LIMK2: variants seen among roughly 807,000 people sequenced by gnomAD.
The protein encoded by LIMK2 is LIM domain kinase 2.
LIMK2 carries 35 observed loss-of-function variants against 75.7 expected under a neutral mutation model. The observed-to-expected ratio is 0.46, with a 90% CI of 0.35 to 0.61. LIMK2 has a LOEUF of 0.61. Ranked by LOEUF, LIMK2 falls within the 20% of genes least tolerant of loss-of-function variation. LIMK2 has a pLI of 0.00. For synonymous variants in LIMK2, 301 were observed against 319.2 expected (o/e 0.94, Z 0.61); for missense variants, 623 against 831.0 (o/e 0.75, Z 3.08).
rs750152301 is a variant in LIMK2 at position 31,258,355 on chromosome 22, C to G, written c.181C>G (p.Pro61Ala). 6.2e-7 allele frequency: 1 copy of G among 1,613,980 alleles called. No individual in the cohort carries two copies. Among genetic ancestry groups the G allele is most frequent in the South Asian group, 1.1e-5 (1 of 91,064 alleles). ...YYEKDGKLYC[P>A]KDYWGKFGEF... Reference sequence around the variant, plus strand: ...TGAGAAGGATGGGAAGCTCTACTGCCCCAAGGACTACTGGGGGAAGTTTGG... The same window carrying G: ...TGAGAAGGATGGGAAGCTCTACTGCGCCAAGGACTACTGGGGGAAGTTTGG... Residue 61 changes from proline (P) to alanine (A), a missense_variant, in exon 3 of 16, where the codon CCC becomes GCC. Around this residue, in one of 3 missense-constraint regions of LIMK2, gnomAD observed 514 missense variants for 661.3 expected, o/e 0.78. Coordinates refer to ENST00000331728, the MANE Select transcript of LIMK2 (RefSeq NM_005569.4).
chr22:31,272,053 T>TTTTTGTTTTG (rs71202052), intron 12 of LIMK2, among the ~76,000 whole-genome samples: 1 of 151,690 alleles, frequency 6.6e-6, no homozygotes, highest in Non-Finnish European at 1.5e-5. Context: ...TGTGTCTGTT[T>TTTTTGTTTTG]TTTTGTTTTG....
chr22:31,268,888 A>G (rs1418945082), intron 11 of LIMK2, among the ~76,000 whole-genome samples: 1 of 152,168 alleles, frequency 6.6e-6, no homozygotes, highest in Non-Finnish European at 1.5e-5. Flanking sequence ...GACTTTAGCC[A>G]CTGCCCTTCA....
At chr22:31,264,438 A>G (rs1391951794) in intron 7 of LIMK2, among the ~76,000 whole-genome samples, 1 of 152,274 alleles carries the variant, frequency 6.6e-6, no homozygotes, top group Non-Finnish European at 1.5e-5. Context: ...GTTCACCTGC[A>G]GTGCTGTGGA....
intron 2 of LIMK2, among the ~76,000 whole-genome samples, chr22:31,229,422 G>C (rs890385277): frequency 1.3e-5 from 2 of 152,176 alleles, no homozygotes; most frequent in African/African-American, 2.4e-5. Flanking sequence ...GATAACCTGG[G>C]TTTTGAGGAA....
At chr22:31,251,916 T>C (rs149910328) in intron 2 of LIMK2, among the ~76,000 whole-genome samples, 1 of 152,218 alleles carries the variant, frequency 6.6e-6, no homozygotes, top group Non-Finnish European at 1.5e-5. Flanking sequence ...TTCAGCCCAC[T>C]CAATTCAGAG....
chr22:31,229,715 C>T (rs2048510051), intron 2 of LIMK2, among the ~76,000 whole-genome samples: 1 of 152,150 alleles, frequency 6.6e-6, no homozygotes, highest in African/African-American at 2.4e-5. Context: ...GGAGAAATTG[C>T]TGGGGTCCAT....
chr22:31,250,279 A>C (rs950003711), intron 2 of LIMK2, among the ~76,000 whole-genome samples: 4 of 152,186 alleles, frequency 2.6e-5, no homozygotes, highest in Admixed American at 6.5e-5. Context: ...AATCCTGGGA[A>C]GGCAGCTTAG....
chr22:31,277,259 C>A (rs879689714), intron 15 of LIMK2: 12 of 1,534,610 alleles, frequency 7.8e-6, no homozygotes, highest in Non-Finnish European at 1.1e-5. Flanking sequence ...CAGGGCTCCT[C>A]GTGCCCCTGG....
In LIMK2 at chr22:31,260,154, A is replaced by G. The variant is rs1046463429; in HGVS notation, c.551+77A>G. The stretch of plus-strand genomic sequence containing the variant: ...TGGGCCTCAGAGGGCTTAGACCTCC[A>G]AAGTCTCATGCAGAACTCCCTTTAT... On this transcript the variant is annotated intron_variant, in intron 5 of 15. Coordinates refer to ENST00000331728, the MANE Select transcript of LIMK2 (RefSeq NM_005569.4). The G allele has an allele frequency of 1.6e-5, 19 of 1,214,868 alleles. No homozygotes were observed. The African/African-American group carries it at 2.9e-4, about 19-fold the overall frequency. The allele number at this position is 1,214,868 out of a possible 1,614,324, so 75.3% of individuals were successfully genotyped here.
intron 1 of LIMK2, among the ~76,000 whole-genome samples, chr22:31,215,632 C>T (rs896945152): frequency 1.3e-5 from 2 of 152,016 alleles, no homozygotes; most frequent in African/African-American, 2.4e-5. Context: ...CATGGTAAGC[C>T]CTTAATAAGT....
chr22:31,272,433 C>T, intron 12 of LIMK2, 97 bp from the exon 13 acceptor site: 1 of 1,160,334 alleles, frequency 8.6e-7, no homozygotes, highest in African/African-American at 1.5e-5. Context: ...TACACCTTTT[C>T]TCCCCTTCTC....
rs750150883 is a variant in LIMK2 at position 31,278,448 on chromosome 22, C to G, written c.*7C>G. The G allele has an allele frequency of 6.3e-7, 1 of 1,599,112 alleles. No homozygotes were observed. The highest frequency in any genetic ancestry group is 2.2e-5 in the East Asian group (1 of 44,470). On this transcript the variant is annotated 3_prime_UTR_variant, in exon 16 of 16. Transcript: ENST00000331728. ...CCGGGACTCACCTCCCTAGCCCTGG[C>G]CCAGCCCCCTGCAGGGGGGTGTTCT...
At chr22:31,243,857 G>A (rs951945706) in intron 2 of LIMK2, among the ~76,000 whole-genome samples, 16 of 152,234 alleles carry the variant, frequency 1.1e-4, no homozygotes, top group Middle Eastern at 6.8e-3. Context: ...GGGTGGCTTG[G>A]GCCCTTTGAA....
At chr22:31,247,082 C>T (rs2123811135) in intron 2 of LIMK2, among the ~76,000 whole-genome samples, 1 of 152,322 alleles carries the variant, frequency 6.6e-6, no homozygotes, top group South Asian at 2.1e-4. Context: ...CCATCTTTAT[C>T]AGACTTTCCT....
intron 2 of LIMK2, among the ~76,000 whole-genome samples, chr22:31,229,451 A>G (rs569080731): frequency 6.6e-6 from 1 of 152,182 alleles, no homozygotes; most frequent in South Asian, 2.1e-4. Context: ...ATCAACCTGA[A>G]TGGTCTTGTA....
chr22:31,212,792 G>A (rs1428422526), intron 1 of LIMK2, among the ~76,000 whole-genome samples: 1 of 152,142 alleles, frequency 6.6e-6, no homozygotes, highest in Non-Finnish European at 1.5e-5. Context: ...AAGTTGAAAA[G>A]CATGGGGTTC....
chr22:31,261,487 T>A (rs918792334), intron 5 of LIMK2, among the ~76,000 whole-genome samples: 29 of 149,820 alleles, frequency 1.9e-4, no homozygotes, highest in Admixed American at 1.5e-3. Context: ...CGGAGCTTGC[T>A]GTGAGCAGAG....
chr22:31,224,095 G>A (rs555079542), intron 1 of LIMK2, among the ~76,000 whole-genome samples: 10 of 152,300 alleles, frequency 6.6e-5, no homozygotes, highest in South Asian at 2.1e-4. Context: ...TACACAGAGC[G>A]CACAAGGGAG....
intron 2 of LIMK2, among the ~76,000 whole-genome samples, chr22:31,240,714 G>A (rs552565443): frequency 3.3e-5 from 5 of 152,168 alleles, no homozygotes; most frequent in Admixed American, 2.0e-4. Context: ...GAGTCACCGC[G>A]CCTGGCCTAG....
Sources: allele counts gnomAD v4.1 joint callset (sites outside exome capture counted in the v4.1 genomes callset), GRCh38; gene constraint gnomAD v4.1.1; regional missense constraint gnomAD v4.1.1; transcripts MANE v1.5; gene names NCBI Gene and HGNC (gene_info 2026-07-23, HGNC 2026-07-21).